STON2: variants seen among roughly 807,000 people sequenced by gnomAD.
STON2 encodes stonin 2, also known as stonin-2.
STON2 carries 29 observed loss-of-function variants against 65.7 expected under a neutral mutation model. The ratio of observed to expected loss-of-function variants is 0.44; its 90% CI spans 0.33 to 0.60. The LOEUF is 0.60. STON2 is among the 20% of genes least tolerant of loss of function. STON2 has a pLI of 0.03. For synonymous variants in STON2, 404 were observed against 414.2 expected (o/e 0.98, Z 0.30); for missense variants, 1,054 against 1,118.1 (o/e 0.94, Z 0.82).
intron 5 of STON2, among the ~76,000 whole-genome samples, chr14:81,298,193 C>T (rs1006860441): frequency 1.3e-5 from 2 of 152,118 alleles, no homozygotes; most frequent in African/African-American, 4.8e-5. Flanking sequence ...AGCGATGAAG[C>T]CTATTCTAGA....
At chr14:81,389,625 C>A (rs531233016) in intron 3 of STON2, among the ~76,000 whole-genome samples, 3 of 152,214 alleles carry the variant, frequency 2.0e-5, no homozygotes, top group African/African-American at 7.2e-5. Flanking sequence ...AAACTGGCCA[C>A]TACTTGGCCC....
At position 81,269,765 on chromosome 14, in the gene STON2, T is replaced by C. The variant is rs187150138; in HGVS notation, c.2784+905A>G. The stretch of plus-strand genomic sequence containing the variant: ...CTTCTTTAACAAACTCCTTTTCCAA[T>C]CGTTGGCATTTAATCTCCTATTGAA... On this transcript the variant is annotated intron_variant, in intron 7 of 7. Transcript: ENST00000614646. 1.3e-4 allele frequency: 133 copies of C among 985,428 alleles called. No individual in the cohort carries two copies. In the African/African-American group the frequency reaches 2.2e-3, roughly 16 times the overall value. The allele number at this position is 985,428 out of a possible 1,614,324, so 61.0% of individuals were successfully genotyped here.
chr14:81,359,335 A>C (rs1898389006), intron 4 of STON2, among the ~76,000 whole-genome samples: 1 of 152,226 alleles, frequency 6.6e-6, no homozygotes, highest in Non-Finnish European at 1.5e-5. Flanking sequence ...CTTGAGACAA[A>C]CAAAAACAGA....
At chr14:81,328,587 T>C (rs1897084954) in intron 4 of STON2, among the ~76,000 whole-genome samples, 1 of 152,190 alleles carries the variant, frequency 6.6e-6, no homozygotes, top group Non-Finnish European at 1.5e-5. Flanking sequence ...CCTCAAAAGA[T>C]AGGCTGATGT....
chr14:81,301,276 T>G (rs912351131), intron 5 of STON2, among the ~76,000 whole-genome samples: 2 of 152,218 alleles, frequency 1.3e-5, no homozygotes, highest in East Asian at 3.8e-4. Context: ...AAAAACATAA[T>G]GTCAGCCAAA....
intron 3 of STON2, among the ~76,000 whole-genome samples, chr14:81,373,264 T>A (rs1196985464): frequency 6.6e-6 from 1 of 152,018 alleles, no homozygotes; most frequent in Non-Finnish European, 1.5e-5. Flanking sequence ...TCCATAACAG[T>A]CTATACTAAA....
At chr14:81,435,111 A>G (rs1395880795) in intron 1 of STON2, among the ~76,000 whole-genome samples, 1 of 152,212 alleles carries the variant, frequency 6.6e-6, no homozygotes, top group Admixed American at 6.5e-5. Flanking sequence ...TTCACACAAT[A>G]TTCATACCAA....
chr14:81,432,716 C>A (rs1173952557), intron 1 of STON2, among the ~76,000 whole-genome samples: 1 of 152,206 alleles, frequency 6.6e-6, no homozygotes, highest in Admixed American at 6.5e-5. Context: ...CTTCTCTGGA[C>A]CCAAGCTTTT....
At chr14:81,324,468 A>T (rs1896936510) in intron 4 of STON2, among the ~76,000 whole-genome samples, 1 of 152,296 alleles carries the variant, frequency 6.6e-6, no homozygotes, top group Admixed American at 6.5e-5. Flanking sequence ...GCTTTAGCAC[A>T]CATCCTTTTG....
chr14:81,398,344 TG>T lies in STON2; in HGVS notation c.38del (p.Ser13Ter). ...TLDHVIATHQ[S>X]EWVSFNEEPP... ...GCTCTTCATTGAAGGAGACCCATTC[TG>T]ACTGGTGGGTGGCAATCACATGGTC... On this transcript the variant is annotated frameshift_variant, in exon 2 of 8. Transcript: ENST00000614646. LOFTEE classifies it high-confidence loss of function. The T allele has an allele frequency of 6.2e-7, 1 of 1,614,142 alleles. No homozygotes were observed. The highest frequency in any genetic ancestry group is 8.5e-7 in the Non-Finnish European group (1 of 1,179,988).
At chr14:81,426,715 GAC>G (rs1901992416) in intron 2 of STON2, among the ~76,000 whole-genome samples, 1 of 152,078 alleles carries the variant, frequency 6.6e-6, no homozygotes, top group Non-Finnish European at 1.5e-5. Context: ...CGCTTCCTCT[GAC>G]ACAGTTTCTC....
chr14:81,410,066 TC>T (rs1901074416), intron 2 of STON2, among the ~76,000 whole-genome samples: 1 of 152,072 alleles, frequency 6.6e-6, no homozygotes, highest in South Asian at 2.1e-4. Context: ...TTCTCTTTTT[TC>T]CCAACTTGAA....
At chr14:81,324,904 C>T (rs1197163176) in intron 4 of STON2, among the ~76,000 whole-genome samples, 1 of 152,076 alleles carries the variant, frequency 6.6e-6, no homozygotes, top group East Asian at 1.9e-4. Context: ...GGAGATGGAG[C>T]GGAGGGCGAC....
chr14:81,319,046 C>A (rs1896728598), intron 5 of STON2, among the ~76,000 whole-genome samples: 1 of 152,082 alleles, frequency 6.6e-6, no homozygotes, highest in Non-Finnish European at 1.5e-5. Context: ...AAGGTAGCGG[C>A]TGGTGCCAAG....
chr14:81,311,621 G>A (rs893987376), intron 5 of STON2, among the ~76,000 whole-genome samples: 4 of 152,158 alleles, frequency 2.6e-5, no homozygotes, highest in Non-Finnish European at 4.4e-5. Flanking sequence ...AAATAACATC[G>A]CTGCTAGTTG....
chr14:81,348,353 T>C (rs571702749), intron 4 of STON2, among the ~76,000 whole-genome samples: 2 of 152,106 alleles, frequency 1.3e-5, no homozygotes, highest in African/African-American at 2.4e-5. Context: ...TGATCTTATA[T>C]AGAAAAACCT....
chr14:81,364,993 G>A (rs540780561), intron 4 of STON2, among the ~76,000 whole-genome samples: 56 of 152,244 alleles, frequency 3.7e-4, no homozygotes, highest in African/African-American at 1.3e-3. Context: ...TTTGTTCCTT[G>A]TCTATGAGGA....
chr14:81,371,014 CCACTCGT>C lies in STON2; in HGVS notation c.538_544del (p.Thr180AlafsTer23). 1 of 1,612,940 alleles carries C rather than the reference CCACTCGT, an allele frequency of 6.2e-7. No individual in the cohort carries two copies. The highest frequency in any genetic ancestry group is 8.5e-7 in the Non-Finnish European group (1 of 1,179,968). On this transcript the variant is annotated frameshift_variant, in exon 4 of 8. Coordinates refer to ENST00000614646, the MANE Select transcript of STON2 (RefSeq NM_001394390.1). LOFTEE classifies it high-confidence loss of function. ...AGTTGAGTCAGCCCCAGAAGCCTGG[CCACTCGT>C]CTGCTCCTCAGCATTGATGAGCTGC...
At chr14:81,296,568 T>A (rs919111668) in intron 5 of STON2, among the ~76,000 whole-genome samples, 30 of 152,290 alleles carry the variant, frequency 2.0e-4, no homozygotes, top group African/African-American at 7.2e-4. Context: ...CTGGCATATG[T>A]CTCTTTTTCT....
Sources: allele counts gnomAD v4.1 joint callset (sites outside exome capture counted in the v4.1 genomes callset), GRCh38; gene constraint gnomAD v4.1.1; transcripts MANE v1.5; gene names NCBI Gene and HGNC (gene_info 2026-07-23, HGNC 2026-07-21).